MTA3: variants seen among roughly 807,000 people sequenced by gnomAD.
The protein encoded by MTA3 is metastasis-associated protein MTA3.
A neutral mutation model predicts 83.5 loss-of-function variants in MTA3; 34 were observed. The ratio of observed to expected loss-of-function variants is 0.41; its 90% confidence interval spans 0.31 to 0.54. The LOEUF (loss-of-function observed/expected upper bound fraction) is 0.54, where lower values mean the gene tolerates loss of function less well. Among genes scored for constraint, MTA3 ranks in the 20% least tolerant of loss-of-function variants. MTA3 has a pLI of 0.33. For synonymous variants in MTA3, 303 were observed against 252.7 expected (o/e 1.20, Z -1.89); for missense variants, 761 against 726.4 (o/e 1.05, Z -0.55).
At chr2:42,748,735 G>A (rs910532655) in intron 16 of MTA3, among the ~76,000 whole-genome samples, 5 of 152,102 alleles carry the variant, frequency 3.3e-5, no homozygotes, top group South Asian at 2.1e-4. Flanking sequence ...TTCTCACTGC[G>A]CCCAGCCAGT....
chr2:42,746,573 T>C (rs1454824492), intron 16 of MTA3, among the ~76,000 whole-genome samples: 1 of 152,216 alleles, frequency 6.6e-6, no homozygotes, highest in Non-Finnish European at 1.5e-5. Context: ...CGACTTCCAG[T>C]GGCATTCACA....
chr2:42,593,922 C>G (rs557303965), intron 3 of MTA3, among the ~76,000 whole-genome samples: 3 of 151,298 alleles, frequency 2.0e-5, no homozygotes, highest in Middle Eastern at 3.2e-3. Flanking sequence ...AGTGCCCATT[C>G]CCTTCCATTT....
intron 10 of MTA3, among the ~76,000 whole-genome samples, chr2:42,697,569 A>G (rs1693500083): frequency 6.6e-6 from 1 of 152,210 alleles, no homozygotes; most frequent in African/African-American, 2.4e-5. Context: ...CTAAAATTGT[A>G]TTAATACTTA....
chr2:42,594,728 A>ATTTTTTTTTTTTTAT (rs1681539421), intron 3 of MTA3, among the ~76,000 whole-genome samples: 1 of 24,044 alleles, frequency 4.2e-5, no homozygotes, highest in African/African-American at 2.2e-4. Context: ...ATATATATAT[A>ATTTTTTTTTTTTTAT]TTTTTTTTTT....
At chr2:42,654,768 C>T (rs780889146) in intron 6 of MTA3, among the ~76,000 whole-genome samples, 2 of 152,134 alleles carry the variant, frequency 1.3e-5, no homozygotes, top group Non-Finnish European at 1.5e-5. Flanking sequence ...GCATATGCCA[C>T]AACACATGGC....
chr2:42,679,366 A>G (rs188468364), intron 8 of MTA3, among the ~76,000 whole-genome samples: 7 of 152,352 alleles, frequency 4.6e-5, no homozygotes, highest in East Asian at 1.9e-4. Flanking sequence ...TTAAAGTTAT[A>G]TAAGTTACAA....
chr2:42,592,279 A>C (rs913285740), intron 3 of MTA3, among the ~76,000 whole-genome samples: 1 of 151,568 alleles, frequency 6.6e-6, no homozygotes, highest in Non-Finnish European at 1.5e-5. Context: ...AAACAAAACA[A>C]AACAAAAAAC....
In MTA3 at chr2:42,662,827, G is replaced by T. The variant is rs532568147; in HGVS notation, c.702+2965G>T. On this transcript the variant is annotated intron_variant, in intron 8 of 16. Coordinates refer to ENST00000405094, the MANE Select transcript of MTA3 (RefSeq NM_001330442.2). ...GCTCACTGCAATCTCCGCTTCCCGG[G>T]TTCAAGTGATTCTTCTGCCTCAGCC... Among the ~76,000 whole-genome samples, 14 of 151,514 alleles carry T rather than the reference G, an allele frequency of 9.2e-5. No homozygotes were observed. In the East Asian group the frequency reaches 2.7e-3, roughly 29 times the overall value.
chr2:42,687,852 A>G (rs952080052), intron 9 of MTA3, among the ~76,000 whole-genome samples: 28 of 152,040 alleles, frequency 1.8e-4, no homozygotes, highest in African/African-American at 5.6e-4. Flanking sequence ...CAGTTGCTCT[A>G]TTTTCCCTAG....
intron 2 of MTA3, among the ~76,000 whole-genome samples, chr2:42,573,981 G>A (rs1678766448): frequency 1.3e-5 from 2 of 149,220 alleles, no homozygotes; most frequent in Admixed American, 1.3e-4. Flanking sequence ...ACTACGCCTG[G>A]CTATTTATTT....
intron 4 of MTA3, 87 bp downstream of exon 4, chr2:42,609,671 C>G: frequency 7.1e-7 from 1 of 1,417,848 alleles, no homozygotes; most frequent in Non-Finnish European, 9.5e-7. Context: ...AGACTCTTCT[C>G]AGGATCTTGC....
intron 9 of MTA3, 100 bp from the exon 10 acceptor site, chr2:42,695,665 A>AAAAAAAAAGG: frequency 2.7e-6 from 1 of 374,046 alleles, no homozygotes; most frequent in Non-Finnish European, 4.8e-6. Flanking sequence ...AAAAAAAGAA[A>AAAAAAAAAGG]GTGGTGGTTT....
intron 7 of MTA3, 68 bp downstream of exon 7, chr2:42,656,370 A>T: frequency 1.0e-6 from 1 of 969,762 alleles, no homozygotes; most frequent in Non-Finnish European, 1.5e-6. Flanking sequence ...AGGTATATGT[A>T]TTTTTATTTC....
At chr2:42,497,055 A>C (rs1674167791) in intron 2 of MTA3, among the ~76,000 whole-genome samples, 1 of 151,972 alleles carries the variant, frequency 6.6e-6, no homozygotes, top group African/African-American at 2.4e-5. Flanking sequence ...AAATTCAAAA[A>C]ATTAGCCAGG....
intron 8 of MTA3, among the ~76,000 whole-genome samples, chr2:42,671,004 A>C (rs1316492384): frequency 6.6e-6 from 1 of 151,976 alleles, no homozygotes; most frequent in Non-Finnish European, 1.5e-5. Context: ...ATTCTGGCCC[A>C]AGATTTCCTT....
chr2:42,742,912 G>A (rs1379830515), intron 16 of MTA3, among the ~76,000 whole-genome samples: 1 of 152,148 alleles, frequency 6.6e-6, no homozygotes, highest in Non-Finnish European at 1.5e-5. Context: ...TATTCCAATG[G>A]ATGTTTGTAC....
At position 42,695,852 on chromosome 2, in the gene MTA3, A is replaced by C. The variant is rs747594320; in HGVS notation, c.966+13A>C. ...ATATGTGCAACAGGTAATTTTTTTC[A>C]TATTGCTACCAATATGGTTGCATTT... On this transcript the variant is annotated intron_variant, in intron 10 of 16. Transcript: ENST00000405094. The C allele has an allele frequency of 3.6e-5, 54 of 1,516,080 alleles. No homozygotes were observed. Among genetic ancestry groups the C allele is most frequent in the Non-Finnish European group, 4.5e-5 (50 of 1,112,636 alleles). 93.9% of individuals were successfully genotyped at this position (1,516,080 alleles called of 1,614,324 possible).
At chr2:42,524,830 A>G (rs1310328143) in intron 2 of MTA3, among the ~76,000 whole-genome samples, 16 of 146,944 alleles carry the variant, frequency 1.1e-4, no homozygotes, top group Admixed American at 3.4e-4. Context: ...TAGCATCCAA[A>G]AAAAAAAAAA....
chr2:42,640,844 T>G (rs1398244657), intron 5 of MTA3, among the ~76,000 whole-genome samples: 1 of 152,208 alleles, frequency 6.6e-6, no homozygotes, highest in Non-Finnish European at 1.5e-5. Flanking sequence ...TTAGTATCAG[T>G]GATGCTTCAG....
Sources: allele counts gnomAD v4.1 joint callset (sites outside exome capture counted in the v4.1 genomes callset), GRCh38; gene constraint gnomAD v4.1.1; transcripts MANE v1.5; gene names NCBI Gene and HGNC (gene_info 2026-07-23, HGNC 2026-07-21).